The following KCNIP1 variants were observed in gnomAD, a reference collection of about 807,000 sequenced individuals.
The protein encoded by KCNIP1 is A-type potassium channel modulatory protein KCNIP1.
Under a neutral mutation model 33.0 loss-of-function variants are expected in KCNIP1, and 18 were observed. That is an observed-to-expected ratio of 0.55 (90% CI 0.38 to 0.81). The LOEUF (loss-of-function observed/expected upper bound fraction) is 0.81. Ranked by LOEUF, KCNIP1 falls within the 30% of genes least tolerant of loss-of-function variation. The pLI, the probability that KCNIP1 is intolerant of heterozygous loss-of-function variation, is 0.00. For missense variants in KCNIP1, 238 were observed against 271.6 expected, an observed-to-expected ratio of 0.88 and a Z score of 0.87; for synonymous variants, 93 against 98.3, an observed-to-expected ratio of 0.95 and a Z score of 0.32.
intron 1 of KCNIP1, among the ~76,000 whole-genome samples, chr5:170,451,179 G>A (rs1388588169): frequency 6.6e-6 from 1 of 152,170 alleles, no homozygotes; most frequent in Non-Finnish European, 1.5e-5. Context: ...TCGTAGTCAT[G>A]TCTAAACGCA....
chr5:170,381,363 T>C (rs1408894387), intron 1 of KCNIP1, among the ~76,000 whole-genome samples: 1 of 152,194 alleles, frequency 6.6e-6, no homozygotes, highest in Non-Finnish European at 1.5e-5. Context: ...ACTCACCTGC[T>C]CCAGGCTAAG....
intron 1 of KCNIP1, among the ~76,000 whole-genome samples, chr5:170,621,601 C>G (rs2113644186): frequency 6.6e-6 from 1 of 152,310 alleles, no homozygotes; most frequent in South Asian, 2.1e-4. Context: ...GCCTTAAACT[C>G]CTGGGCTCAA....
At position 170,489,295 on chromosome 5, in the gene KCNIP1, T is replaced by C. The variant is rs1040009124; in HGVS notation, c.88+135331T>C. Among the ~76,000 whole-genome samples the C allele has an allele frequency of 6.6e-6, 1 of 152,212 alleles. No homozygotes were observed. The highest frequency in any genetic ancestry group is 6.5e-5 in the Admixed American group (1 of 15,284). On this transcript the variant is annotated intron_variant, in intron 1 of 7. Transcript: ENST00000377360. The surrounding 1 kb of genome is among the most constrained non-coding windows in gnomAD (Gnocchi z 4.3). ...ATTTCCCTTGAGAAGGAGAAAGCCA[T>C]GCTATAGGCAATCAAGATTTGCACA...
At chr5:170,566,091 C>T (rs1757194446) in intron 1 of KCNIP1, among the ~76,000 whole-genome samples, 1 of 152,082 alleles carries the variant, frequency 6.6e-6, no homozygotes, top group South Asian at 2.1e-4. Flanking sequence ...TGCAATGGTT[C>T]AATCTCAGCT....
intron 1 of KCNIP1, among the ~76,000 whole-genome samples, chr5:170,634,646 G>A (rs1327172947): frequency 1.3e-5 from 2 of 152,200 alleles, no homozygotes; most frequent in Admixed American, 6.5e-5. Flanking sequence ...ATTGAGTCCC[G>A]AGCCCCAGGC....
intron 1 of KCNIP1, among the ~76,000 whole-genome samples, chr5:170,612,405 G>A (rs1759197281): frequency 6.6e-6 from 1 of 152,238 alleles, no homozygotes. Flanking sequence ...TCACCAGTAA[G>A]AGGCACTTGC....
At chr5:170,649,240 C>T (rs1278904495) in intron 1 of KCNIP1, among the ~76,000 whole-genome samples, 1 of 151,922 alleles carries the variant, frequency 6.6e-6, no homozygotes, top group East Asian at 1.9e-4. Context: ...ACAGCAAAAA[C>T]TGGAATCAAT....
At chr5:170,561,954 T>A (rs1388122466) in intron 1 of KCNIP1, among the ~76,000 whole-genome samples, 1 of 152,128 alleles carries the variant, frequency 6.6e-6, no homozygotes, top group Non-Finnish European at 1.5e-5. Flanking sequence ...AGTCAATAAA[T>A]TGTAAATTGA....
chr5:170,733,273 C>G (rs974113320), intron 6 of KCNIP1, among the ~76,000 whole-genome samples: 1 of 152,096 alleles, frequency 6.6e-6, no homozygotes, highest in Non-Finnish European at 1.5e-5. Context: ...GATTATGAGA[C>G]CTTTAAATGG....
intron 1 of KCNIP1, among the ~76,000 whole-genome samples, chr5:170,628,761 C>G (rs1006121135): frequency 6.6e-6 from 1 of 152,194 alleles, no homozygotes; most frequent in Non-Finnish European, 1.5e-5. Flanking sequence ...GCAGTGCACG[C>G]GCTTCTGGCA....
At chr5:170,418,022 C>G (rs753099041) in intron 1 of KCNIP1, among the ~76,000 whole-genome samples, 1 of 152,224 alleles carries the variant, frequency 6.6e-6, no homozygotes, top group African/African-American at 2.4e-5. Flanking sequence ...ACCACTCTTT[C>G]ACTTTCCACC....
chr5:170,450,910 T>C (rs1756234492), intron 1 of KCNIP1, among the ~76,000 whole-genome samples: 1 of 152,100 alleles, frequency 6.6e-6, no homozygotes, highest in African/African-American at 2.4e-5. Context: ...CGTTCAGTGC[T>C]CCAGTCCCAT....
chr5:170,705,447 G>T (rs999311370), intron 1 of KCNIP1, among the ~76,000 whole-genome samples: 3 of 152,194 alleles, frequency 2.0e-5, no homozygotes, highest in Non-Finnish European at 4.4e-5. Context: ...CTCATGGACT[G>T]TCCGGATTCT....
chr5:170,699,838 G>A (rs1763030845), intron 1 of KCNIP1, among the ~76,000 whole-genome samples: 1 of 152,140 alleles, frequency 6.6e-6, no homozygotes, highest in Non-Finnish European at 1.5e-5. Flanking sequence ...ATTGCCATGA[G>A]TCAGCAAGGA....
At chr5:170,593,459 G>A (rs939961314) in intron 1 of KCNIP1, among the ~76,000 whole-genome samples, 8 of 152,326 alleles carry the variant, frequency 5.3e-5, no homozygotes, top group East Asian at 1.9e-4. Flanking sequence ...GGAGGGGTGT[G>A]TGGAGGCCGA....
At chr5:170,391,230 G>C (rs1453796237) in intron 1 of KCNIP1, among the ~76,000 whole-genome samples, 2 of 152,134 alleles carry the variant, frequency 1.3e-5, no homozygotes, top group African/African-American at 4.8e-5. Context: ...TGCTTCCCTG[G>C]GGGAGAGATA....
intron 1 of KCNIP1, among the ~76,000 whole-genome samples, chr5:170,683,995 G>A (rs574074565): frequency 6.6e-5 from 10 of 151,622 alleles, no homozygotes; most frequent in East Asian, 1.9e-4. Flanking sequence ...GAGCTCAGGC[G>A]ATCCACCTGC....
chr5:170,442,799 G>T (rs1227828901), intron 1 of KCNIP1, among the ~76,000 whole-genome samples: 1 of 152,198 alleles, frequency 6.6e-6, no homozygotes, highest in Non-Finnish European at 1.5e-5. Flanking sequence ...CAGGACAGGG[G>T]ACAGGAATGG....
At chr5:170,597,789 ATATATATATATAT>A (rs1758501902) in intron 1 of KCNIP1, among the ~76,000 whole-genome samples, 2 of 2,278 alleles carry the variant, frequency 8.8e-4, no homozygotes, top group African/African-American at 1.1e-3. Flanking sequence ...AGATAAATAT[ATATATATATATAT>A]ATATATATAT....
Sources: allele counts gnomAD v4.1 joint callset (sites outside exome capture counted in the v4.1 genomes callset), GRCh38; gene constraint gnomAD v4.1.1; non-coding constraint Gnocchi (gnomAD v3.1); transcripts MANE v1.5; gene names NCBI Gene and HGNC (gene_info 2026-07-23, HGNC 2026-07-21).